Variants in NOP58 observed in about 807,000 individuals in gnomAD.
The protein encoded by NOP58 is nucleolar protein 58.
In NOP58, 44 loss-of-function variants were observed where a neutral mutation model predicts 71.2. The ratio of observed to expected loss-of-function variants is 0.62; its 90% CI spans 0.49 to 0.79. NOP58 has a LOEUF of 0.79. Among genes scored for constraint, NOP58 ranks in the 30% least tolerant of loss-of-function variants. The probability of loss-of-function intolerance (pLI) is 0.00; values close to 1 mark genes in which losing one functional copy is unlikely to be tolerated. For missense variants in NOP58, 538 were observed against 620.2 expected, an observed-to-expected ratio of 0.87 and a Z score of 1.41; for synonymous variants, 228 against 200.3, an observed-to-expected ratio of 1.14 and a Z score of -1.17.
chr2:202,270,276 T>C (rs1355256873), intron 1 of NOP58, among the ~76,000 whole-genome samples: 1 of 152,206 alleles, frequency 6.6e-6, no homozygotes, highest in African/African-American at 2.4e-5. Flanking sequence ...TTTAGTCTTT[T>C]GTGTTTGGCT....
chr2:202,290,982 T>A (rs537651160), intron 7 of NOP58, 143 bp from the exon 8 acceptor site: 5 of 648,010 alleles, frequency 7.7e-6, no homozygotes, highest in African/African-American at 7.4e-5. Flanking sequence ...AAAACTGTTA[T>A]ACTAGGTCAA....
At chr2:202,293,846 A>G (rs190932519) in intron 9 of NOP58, among the ~76,000 whole-genome samples, 72 of 149,104 alleles carry the variant, frequency 4.8e-4, no homozygotes, top group African/African-American at 1.7e-3. Context: ...AAGTGTTGGG[A>G]TTACAGGCGT....
chr2:202,293,238 A>G (rs933197506), intron 9 of NOP58: 4 of 429,962 alleles, frequency 9.3e-6, no homozygotes, highest in African/African-American at 8.2e-5. Context: ...CACTAGACCT[A>G]GATTTGAATA....
At chr2:202,271,874 T>C (rs1008850253) in intron 1 of NOP58, among the ~76,000 whole-genome samples, 2 of 151,922 alleles carry the variant, frequency 1.3e-5, no homozygotes, top group Non-Finnish European at 2.9e-5. Context: ...AGGCCAGGAG[T>C]TTGAAGCTGT....
chr2:202,289,943 A>AT (rs777559640), intron 6 of NOP58, among the ~76,000 whole-genome samples: 17 of 151,850 alleles, frequency 1.1e-4, no homozygotes, highest in Non-Finnish European at 2.5e-4. Flanking sequence ...TTGAAGTGTT[A>AT]TTTTTTATTC....
chr2:202,284,518 A>T (rs761607508), intron 5 of NOP58, 37 bp downstream of exon 5: 1 of 1,607,360 alleles, frequency 6.2e-7, no homozygotes, highest in Non-Finnish European at 8.5e-7. Context: ...ACTTACTTTT[A>T]TTTGATAAGC....
At chr2:202,297,758 T>TG (rs1689017410) in intron 11 of NOP58, 87 bp from the exon 12 acceptor site, 5 of 854,342 alleles carry the variant, frequency 5.9e-6, no homozygotes, top group Non-Finnish European at 9.0e-6. Flanking sequence ...TGCTGTTTGC[T>TG]GGCCCACTGA....
intron 1 of NOP58, among the ~76,000 whole-genome samples, chr2:202,270,400 T>C (rs1456191569): frequency 6.6e-6 from 1 of 152,256 alleles, no homozygotes; most frequent in Non-Finnish European, 1.5e-5. Context: ...TTATCAGTTT[T>C]ATCCTGTATT....
intron 3 of NOP58, among the ~76,000 whole-genome samples, chr2:202,278,640 TA>T (rs1688644813): frequency 1.3e-5 from 2 of 152,148 alleles, no homozygotes; most frequent in South Asian, 4.2e-4. Context: ...TTTTAAGTGT[TA>T]GGGAAAACAG....
intron 3 of NOP58, among the ~76,000 whole-genome samples, chr2:202,281,020 G>C (rs1688692534): frequency 6.6e-6 from 1 of 151,974 alleles, no homozygotes; most frequent in African/African-American, 2.4e-5. Context: ...AATTCGAATG[G>C]ATATACGATC....
chr2:202,286,398 G>A lies in NOP58; in HGVS notation c.435-1262G>A, dbSNP rs550940678. Among the ~76,000 whole-genome samples, 3 of 150,884 alleles carry A rather than the reference G, an allele frequency of 2.0e-5. No individual in the cohort carries two copies. The South Asian group carries it at 6.3e-4, about 32-fold the overall frequency. On this transcript the variant is annotated intron_variant, in intron 5 of 14. Transcript: ENST00000264279. ...CGGGCGCCTGTAGTCCCAGCTACTC[G>A]GGAGGCTGAGGCAGGAGAATGGCGT...
intron 8 of NOP58, among the ~76,000 whole-genome samples, chr2:202,292,363 C>T (rs979938444): frequency 4.0e-5 from 6 of 151,792 alleles, no homozygotes; most frequent in Admixed American, 6.6e-5. Context: ...AGTTTACATA[C>T]ATTATATAAC....
At chr2:202,271,859 G>A (rs1028688565) in intron 1 of NOP58, among the ~76,000 whole-genome samples, 1 of 152,038 alleles carries the variant, frequency 6.6e-6, no homozygotes, top group South Asian at 2.1e-4. Context: ...CAGAAGAATC[G>A]CTTGAGGCCA....
intron 1 of NOP58, among the ~76,000 whole-genome samples, chr2:202,273,689 T>G (rs1339805989): frequency 2.0e-5 from 3 of 152,236 alleles, no homozygotes; most frequent in African/African-American, 7.2e-5. Flanking sequence ...ACGCCTGTAA[T>G]CCCAACGCTT....
intron 1 of NOP58, 35 bp downstream of exon 1, chr2:202,266,021 C>G: frequency 1.2e-6 from 2 of 1,610,072 alleles, no homozygotes; most frequent in Non-Finnish European, 1.7e-6. Flanking sequence ...AGGGGGAAGG[C>G]GGATGCTGGA....
chr2:202,296,512 T>C (rs1393622850), intron 10 of NOP58, among the ~76,000 whole-genome samples: 1 of 152,060 alleles, frequency 6.6e-6, no homozygotes, highest in Non-Finnish European at 1.5e-5. Context: ...AAATCTTCAG[T>C]AGCCTTATGA....
chr2:202,272,701 A>T (rs532262085), intron 1 of NOP58, among the ~76,000 whole-genome samples: 1 of 152,370 alleles, frequency 6.6e-6, no homozygotes, highest in Admixed American at 6.5e-5. Context: ...GAATGCAGCT[A>T]ACCATAACTG....
At position 202,302,525 on chromosome 2, in the gene NOP58, A is replaced by G. The variant is rs545273534; in HGVS notation, c.1403-396A>G. Among the ~76,000 whole-genome samples the G allele has an allele frequency of 1.4e-4, 22 of 152,330 alleles. No individual in the cohort carries two copies. In the South Asian group the frequency reaches 2.5e-3, roughly 17 times the overall value. On this transcript the variant is annotated intron_variant, in intron 13 of 14. Coordinates refer to ENST00000264279, the MANE Select transcript of NOP58 (RefSeq NM_015934.5). Reference sequence around the variant, plus strand: ...GTAAGATAAGACATTCTTAAGTTTTATAGATAGGGAGCTTCACCAAGGGTA... The same window carrying G: ...GTAAGATAAGACATTCTTAAGTTTTGTAGATAGGGAGCTTCACCAAGGGTA...
intron 9 of NOP58, among the ~76,000 whole-genome samples, chr2:202,295,094 G>T (rs374109863): frequency 2.0e-5 from 3 of 152,170 alleles, no homozygotes; most frequent in South Asian, 2.1e-4. Context: ...TCATGTCCTG[G>T]GGGGAGCTGA....
Sources: allele counts gnomAD v4.1 joint callset (sites outside exome capture counted in the v4.1 genomes callset), GRCh38; gene constraint gnomAD v4.1.1; transcripts MANE v1.5; gene names NCBI Gene and HGNC (gene_info 2026-07-23, HGNC 2026-07-21).